The following NAALADL2 variants were observed in gnomAD, a reference collection of about 807,000 sequenced individuals.
The protein encoded by NAALADL2 is inactive N-acetylated-alpha-linked acidic dipeptidase-like protein 2.
In NAALADL2, 76 loss-of-function variants were observed where a neutral mutation model predicts 87.2. That is an observed-to-expected ratio of 0.87 (90% CI 0.72 to 1.05). NAALADL2 has a LOEUF of 1.05. NAALADL2 is among the 50% of genes least tolerant of loss of function. The pLI is 0.00. For missense variants in NAALADL2, 1,089 were observed against 945.8 expected, an observed-to-expected ratio of 1.15 and a Z score of -1.99; for synonymous variants, 354 against 331.0, an observed-to-expected ratio of 1.07 and a Z score of -0.75.
chr3:175,094,716 A>G (rs1474939206), intron 1 of NAALADL2, among the ~76,000 whole-genome samples: 1 of 141,264 alleles, frequency 7.1e-6, no homozygotes, highest in Admixed American at 7.3e-5. Context: ...TTTAATCTCT[A>G]CACATAGACT....
At chr3:175,447,425 A>G (rs1385216293) in intron 6 of NAALADL2, 53 bp downstream of exon 6, 2 of 1,200,184 alleles carry the variant, frequency 1.7e-6, no homozygotes, top group South Asian at 1.7e-5. Flanking sequence ...AAAGACCATG[A>G]TCATTTTTAA....
chr3:175,087,430 G>A (rs370192315), intron 1 of NAALADL2, among the ~76,000 whole-genome samples: 4 of 152,304 alleles, frequency 2.6e-5, no homozygotes, highest in Non-Finnish European at 4.4e-5. Flanking sequence ...CATTGAGAAC[G>A]GGCCATGATG....
At chr3:174,959,029 G>A (rs571702743) in intron 1 of NAALADL2, among the ~76,000 whole-genome samples, 1 of 152,160 alleles carries the variant, frequency 6.6e-6, no homozygotes, top group Non-Finnish European at 1.5e-5. Context: ...TTTTGATGCT[G>A]GAGAAGTCTA....
intron 5 of NAALADL2, among the ~76,000 whole-genome samples, chr3:175,412,963 G>C (rs1713854603): frequency 6.9e-6 from 1 of 145,382 alleles, no homozygotes; most frequent in Non-Finnish European, 1.5e-5. Flanking sequence ...CTGTCGCCTA[G>C]GCTGGAGTGC....
At chr3:175,017,467 G>C (rs1351491119) in intron 1 of NAALADL2, among the ~76,000 whole-genome samples, 3 of 152,070 alleles carry the variant, frequency 2.0e-5, no homozygotes, top group Admixed American at 2.0e-4. Flanking sequence ...TATAAACAGG[G>C]AGAAGGTCAT....
chr3:175,592,296 CTTTTTCTTTTCT>C (rs1335792545), intron 10 of NAALADL2, among the ~76,000 whole-genome samples: 3 of 145,156 alleles, frequency 2.1e-5, no homozygotes, highest in African/African-American at 5.2e-5. Flanking sequence ...CTATTCTTTT[CTTTTTCTTTTCT>C]TTTTTTTTTT....
chr3:175,228,708 T>C (rs1017425872), intron 2 of NAALADL2, among the ~76,000 whole-genome samples: 19 of 151,950 alleles, frequency 1.3e-4, no homozygotes, highest in African/African-American at 4.6e-4. Context: ...CAATTTTTAG[T>C]ATAAGAAAAG....
At chr3:174,895,234 A>T (rs149766589) in intron 1 of NAALADL2, among the ~76,000 whole-genome samples, 1 of 152,258 alleles carries the variant, frequency 6.6e-6, no homozygotes, top group Non-Finnish European at 1.5e-5. Context: ...AGATCAATGA[A>T]ACAAAGAGTT....
At chr3:175,349,989 T>G (rs1763585903) in intron 5 of NAALADL2, among the ~76,000 whole-genome samples, 3 of 150,740 alleles carry the variant, frequency 2.0e-5, no homozygotes, top group African/African-American at 7.3e-5. Flanking sequence ...TTGTGACTCC[T>G]CCGAAGGCAC....
intron 4 of NAALADL2, among the ~76,000 whole-genome samples, chr3:175,285,519 A>G (rs1754873739): frequency 6.6e-6 from 1 of 152,154 alleles, no homozygotes; most frequent in Admixed American, 6.5e-5. Context: ...ATTCATTCCT[A>G]TTTGACCTGA....
intron 1 of NAALADL2, among the ~76,000 whole-genome samples, chr3:175,077,105 G>A (rs1002202248): frequency 1.3e-5 from 2 of 152,162 alleles, no homozygotes; most frequent in Non-Finnish European, 2.9e-5. Flanking sequence ...AATGGCAGAT[G>A]TACTGTGAAG....
chr3:175,299,823 G>A (rs1756819976), intron 4 of NAALADL2, among the ~76,000 whole-genome samples: 1 of 152,128 alleles, frequency 6.6e-6, no homozygotes, highest in African/African-American at 2.4e-5. Flanking sequence ...CCAATACTAT[G>A]TTGAATAGGA....
intron 3 of NAALADL2, among the ~76,000 whole-genome samples, chr3:174,795,795 G>A (rs556664882): frequency 2.7e-4 from 41 of 152,242 alleles, no homozygotes; most frequent in African/African-American, 8.9e-4. Context: ...TGATATTTGA[G>A]CATTTTATGT....
chr3:174,975,513 A>G (rs1744245909), intron 1 of NAALADL2, among the ~76,000 whole-genome samples: 1 of 152,164 alleles, frequency 6.6e-6, no homozygotes, highest in Non-Finnish European at 1.5e-5. Context: ...GACAAAAACC[A>G]CAATTACTTT....
At chr3:174,576,188 G>C (rs768639504) in intron 2 of NAALADL2, among the ~76,000 whole-genome samples, 2 of 152,052 alleles carry the variant, frequency 1.3e-5, no homozygotes, top group African/African-American at 2.4e-5. Context: ...TAACAAAATA[G>C]ATATGGTTCC....
At chr3:174,622,869 C>T (rs149624923) in intron 2 of NAALADL2, among the ~76,000 whole-genome samples, 1,758 of 151,896 alleles carry the variant, frequency 0.012, 34 homozygotes, top group African/African-American at 0.039. Flanking sequence ...TGAAACCCCG[C>T]CTCTACTAAA....
intron 12 of NAALADL2, among the ~76,000 whole-genome samples, chr3:175,740,097 G>A (rs7621879): frequency 0.29 from 44,183 of 151,974 alleles, 7,275 homozygotes; most frequent in African/African-American, 0.45. Flanking sequence ...ACAATTATAG[G>A]AGGAGACCAA....
chr3:174,759,502 CA>C lies in NAALADL2; in HGVS notation c.-9+21760del, dbSNP rs1341344025. 2.6e-5 allele frequency among the ~76,000 whole-genome samples: 4 copies of C among 152,066 alleles called. No homozygotes were observed. In the South Asian group the frequency reaches 8.3e-4, roughly 32 times the overall value. On this transcript the variant is annotated intron_variant, in intron 3 of 3. Coordinates refer to the NAALADL2 transcript ENST00000434257. ...CTTAAAGCATTTTTGTTAGCTCTTGCAAAAGAGGAGTATACAAAATGTAGAA... is the reference window on the plus strand; with the variant it reads ...CTTAAAGCATTTTTGTTAGCTCTTGCAAAGAGGAGTATACAAAATGTAGAA...
chr3:174,596,639 C>A (rs1717938784), intron 2 of NAALADL2, among the ~76,000 whole-genome samples: 1 of 152,160 alleles, frequency 6.6e-6, no homozygotes, highest in Non-Finnish European at 1.5e-5. Context: ...TCTTGAGTTC[C>A]TCTTTTACTT....
Sources: gnomAD v4.1 joint callset for allele counts (sites outside exome capture counted in the v4.1 genomes callset) on GRCh38, gnomAD v4.1.1 for gene constraint, MANE v1.5 for transcripts, NCBI Gene and HGNC (gene_info 2026-07-23, HGNC 2026-07-21) for gene names.